Variants in ELAPOR2 observed in about 807,000 individuals in gnomAD.
The protein encoded by ELAPOR2 is endosome-lysosome associated apoptosis and autophagy regulator family member 2.
Under a neutral mutation model 120.7 loss-of-function variants are expected in ELAPOR2, and 89 were observed. The observed-to-expected ratio is 0.74, with a 90% CI of 0.62 to 0.88. The LOEUF is 0.88. Ranked by LOEUF, ELAPOR2 falls within the 40% of genes least tolerant of loss-of-function variation. The probability of loss-of-function intolerance (pLI) is 0.00; values close to 1 mark genes in which losing one functional copy is unlikely to be tolerated. For synonymous variants in ELAPOR2, 444 were observed against 444.9 expected, an observed-to-expected ratio of 1.00 and a Z score of 0.03; for missense variants, 1,134 against 1,251.6, an observed-to-expected ratio of 0.91 and a Z score of 1.42.
chr7:87,051,447 C>T (rs1584047739), intron 1 of ELAPOR2, among the ~76,000 whole-genome samples: 1 of 152,174 alleles, frequency 6.6e-6, no homozygotes, highest in Non-Finnish European at 1.5e-5. Context: ...CAATGCACCT[C>T]CTGAGAAACA....
In ELAPOR2 at chr7:87,004,013, G is replaced by C. The variant is rs144417791; in HGVS notation, c.190-38989C>G. On this transcript the variant is annotated intron_variant, in intron 1 of 21. Transcript: ENST00000450689. ...CCAGGCTTCCCTTTTTGCTGCAGAG[G>C]TTCTTATCTACAAAGCCATCTAAAA... is the stretch of plus-strand genomic sequence containing the variant. 2.2e-3 allele frequency among the ~76,000 whole-genome samples: 333 copies of C among 152,224 alleles called. 1 individual carries two copies. Among genetic ancestry groups the C allele is most frequent in the African/African-American group, 7.6e-3 (317 of 41,556 alleles).
chr7:86,984,758 A>G (rs1003908957), intron 1 of ELAPOR2, among the ~76,000 whole-genome samples: 1 of 152,222 alleles, frequency 6.6e-6, no homozygotes, highest in Admixed American at 6.5e-5. Flanking sequence ...CAACACCCTA[A>G]CATAACAATT....
intron 2 of ELAPOR2, among the ~76,000 whole-genome samples, chr7:86,962,581 A>G (rs1325425170): frequency 1.3e-5 from 2 of 152,228 alleles, no homozygotes; most frequent in African/African-American, 2.4e-5. Flanking sequence ...CACAGGCTCT[A>G]GAATCAGACA....
chr7:86,930,276 A>C (rs540148344), intron 8 of ELAPOR2, among the ~76,000 whole-genome samples: 2 of 152,106 alleles, frequency 1.3e-5, no homozygotes, highest in South Asian at 4.1e-4. Flanking sequence ...AGCTGCTTTA[A>C]AAAAAGTGTT....
intron 1 of ELAPOR2, among the ~76,000 whole-genome samples, chr7:87,026,041 C>T (rs527501911): frequency 5.9e-5 from 9 of 152,114 alleles, no homozygotes; most frequent in South Asian, 4.1e-4. Context: ...TCAAGACCTA[C>T]GCATATATCT....
At chr7:86,896,819 C>G (rs1296746671) in intron 19 of ELAPOR2, among the ~76,000 whole-genome samples, 2 of 152,060 alleles carry the variant, frequency 1.3e-5, no homozygotes, top group African/African-American at 4.8e-5. Flanking sequence ...TAATATGTAT[C>G]AAGCCTTAAA....
At chr7:86,905,206 A>G (rs376230618) in intron 18 of ELAPOR2, among the ~76,000 whole-genome samples, 44 of 146,678 alleles carry the variant, frequency 3.0e-4, no homozygotes, top group African/African-American at 6.8e-4. Flanking sequence ...GAGAGAGAGA[A>G]AGAGAGAGAG....
Position 86,892,935 on chromosome 7 carries a change from T to A in ELAPOR2, c.2851A>T (p.Lys951Ter), listed in dbSNP as rs751880734. ...LLVALTCYFW[K>*]KNQKLEYKYS... ...GAGGGTACTTACTTTTGATTCTTTT[T>A]CCAGAAGTAGCAGGTCAGAGCCACC... Residue 951 changes from lysine (K) to a stop codon, truncating the protein, a stop_gained, in exon 20 of 22, where the codon AAA becomes TAA. Coordinates refer to ENST00000450689, the MANE Select transcript of ELAPOR2 (RefSeq NM_001142749.3). LOFTEE classifies it high-confidence loss of function. 1 of 1,542,856 alleles carries A rather than the reference T, an allele frequency of 6.5e-7. No individual in the cohort carries two copies. The highest frequency in any genetic ancestry group is 2.4e-5 in the Admixed American group (1 of 41,928).
chr7:86,903,226 T>C (rs190992837), intron 18 of ELAPOR2, among the ~76,000 whole-genome samples: 3 of 152,344 alleles, frequency 2.0e-5, no homozygotes, highest in South Asian at 2.1e-4. Context: ...AGAGTACTTA[T>C]TAGTGTCTGA....
At chr7:86,958,304 T>C (rs1253830413) in intron 2 of ELAPOR2, among the ~76,000 whole-genome samples, 1 of 152,206 alleles carries the variant, frequency 6.6e-6, no homozygotes, top group African/African-American at 2.4e-5. Flanking sequence ...GTTGTTGTAA[T>C]GACTAAATGA....
At chr7:87,022,865 T>C (rs564970984) in intron 1 of ELAPOR2, among the ~76,000 whole-genome samples, 13 of 152,124 alleles carry the variant, frequency 8.5e-5, no homozygotes, top group Admixed American at 4.6e-4. Flanking sequence ...TTTTTGGCTG[T>C]ATAAATGTCT....
chr7:87,027,901 T>C (rs1794297200), intron 1 of ELAPOR2, among the ~76,000 whole-genome samples: 2 of 152,114 alleles, frequency 1.3e-5, no homozygotes, highest in South Asian at 4.1e-4. Context: ...GGGGGAAAAG[T>C]CATGTGCTGT....
intron 1 of ELAPOR2, among the ~76,000 whole-genome samples, chr7:86,972,595 A>G (rs1422402627): frequency 2.0e-5 from 3 of 151,482 alleles, no homozygotes; most frequent in Non-Finnish European, 4.4e-5. Flanking sequence ...AAAAAAAAAA[A>G]GTTTTTTGTT....
intron 3 of ELAPOR2, 32 bp downstream of exon 3, chr7:86,947,695 G>C (rs1304908422): frequency 1.3e-6 from 2 of 1,528,190 alleles, no homozygotes; most frequent in Admixed American, 2.0e-5. Context: ...CAAATATTCA[G>C]TTAAGAGCCA....
chr7:87,011,264 A>AGAAAG (rs1554404740), intron 1 of ELAPOR2, among the ~76,000 whole-genome samples: 1 of 133,806 alleles, frequency 7.5e-6, no homozygotes, highest in African/African-American at 3.1e-5. Flanking sequence ...AAAAAAAAAA[A>AGAAAG]AAAAGAAAAG....
chr7:86,955,802 G>A (rs1476162648), intron 2 of ELAPOR2, among the ~76,000 whole-genome samples: 1 of 151,896 alleles, frequency 6.6e-6, no homozygotes, highest in East Asian at 1.9e-4. Context: ...CTTTTCTACT[G>A]TTTCTAGTGG....
chr7:86,976,332 A>G (rs1436600023), intron 1 of ELAPOR2, among the ~76,000 whole-genome samples: 1 of 152,210 alleles, frequency 6.6e-6, no homozygotes, highest in Non-Finnish European at 1.5e-5. Context: ...GCCAGAGGAA[A>G]TATAAAAAGC....
intron 1 of ELAPOR2, among the ~76,000 whole-genome samples, chr7:86,980,374 T>C (rs565175689): frequency 2.6e-5 from 4 of 152,326 alleles, no homozygotes; most frequent in African/African-American, 9.6e-5. Context: ...CTTACTAACA[T>C]ACATTTGAGG....
At chr7:86,973,223 T>C (rs1311842383) in intron 1 of ELAPOR2, among the ~76,000 whole-genome samples, 1 of 152,186 alleles carries the variant, frequency 6.6e-6, no homozygotes, top group Non-Finnish European at 1.5e-5. Flanking sequence ...GGATAAAGTC[T>C]ACAATCTTGG....
Sources: gnomAD v4.1 joint callset for allele counts (sites outside exome capture counted in the v4.1 genomes callset) on GRCh38, gnomAD v4.1.1 for gene constraint, MANE v1.5 for transcripts, NCBI Gene and HGNC (gene_info 2026-07-23, HGNC 2026-07-21) for gene names.